Variants in CD4 observed in about 807,000 individuals in gnomAD.
CD4 encodes T-cell surface glycoprotein CD4.
In CD4, 25 loss-of-function variants were observed where a neutral mutation model predicts 50.5. The observed-to-expected ratio is 0.49, with a 90% CI of 0.36 to 0.69. CD4 has a LOEUF of 0.69. Ranked by LOEUF, CD4 falls within the 30% of genes least tolerant of loss-of-function variation. The pLI, the probability that CD4 is intolerant of heterozygous loss-of-function variation, is 0.00. For synonymous variants in CD4, 207 were observed against 221.9 expected, an observed-to-expected ratio of 0.93 and a Z score of 0.60; for missense variants, 456 against 548.5, an observed-to-expected ratio of 0.83 and a Z score of 1.68.
In CD4 at chr12:6,814,745, C is replaced by T. The variant is rs199912144; in HGVS notation, c.374-14C>T. On this transcript the variant is annotated splice_polypyrimidine_tract_variant and intron_variant, in intron 4 of 9. Transcript: ENST00000011653. ...ATGGTATGTGTGTGACACAGCTGGC[C>T]TTTCCCTCCACAGTGACTGCCAACT... 3.9e-5 allele frequency: 62 copies of T among 1,602,620 alleles called. No individual in the cohort carries two copies. The highest frequency in any genetic ancestry group is 5.0e-5 in the Non-Finnish European group (59 of 1,169,914).
intron 5 of CD4, 75 bp from the exon 6 acceptor site, chr12:6,815,981 T>C: frequency 6.3e-7 from 1 of 1,593,278 alleles, no homozygotes; most frequent in Non-Finnish European, 8.5e-7. Flanking sequence ...CCCTGCTGCC[T>C]CCACATGCCA....
At position 6,792,479 on chromosome 12, in the gene CD4, A is replaced by T. The variant is rs1942190000; in HGVS notation, c.-68+2817A>T. Among the ~76,000 whole-genome samples, 1 of 151,348 alleles carries T rather than the reference A, an allele frequency of 6.6e-6. No individual in the cohort carries two copies. The highest frequency in any genetic ancestry group is 2.4e-5 in the African/African-American group (1 of 41,060). ...CCCTGCGCTTTGTGTGTGATTGTGG[A>T]TTGTGTGTGCATAGCTGTTGCTTTA... On this transcript the variant is annotated intron_variant, in intron 1 of 9. Transcript: ENST00000011653. The surrounding 1 kb of genome is among the most constrained non-coding windows in gnomAD (Gnocchi z 4.1).
chr12:6,799,913 T>C (rs939142332), intron 1 of CD4, among the ~76,000 whole-genome samples, 159 bp from the exon 2 acceptor site: 3 of 152,190 alleles, frequency 2.0e-5, no homozygotes, highest in African/African-American at 7.2e-5. Flanking sequence ...CTGCTCCTAC[T>C]CATTCCTTCC....
At chr12:6,798,022 A>G (rs1299881176) in intron 1 of CD4, among the ~76,000 whole-genome samples, 1 of 151,906 alleles carries the variant, frequency 6.6e-6, no homozygotes, top group Non-Finnish European at 1.5e-5. Flanking sequence ...GCCATATCTC[A>G]GGCTGTCTCA....
intron 3 of CD4, among the ~76,000 whole-genome samples, chr12:6,811,161 G>A (rs908299081): frequency 1.3e-5 from 2 of 152,134 alleles, no homozygotes; most frequent in African/African-American, 2.4e-5. Flanking sequence ...TACCAAGCAG[G>A]GTGAGAGGCT....
chr12:6,817,108 T>C (rs201648951), intron 6 of CD4, 22 bp from the exon 7 acceptor site: 151 of 1,606,702 alleles, frequency 9.4e-5, no homozygotes, highest in Non-Finnish European at 7.5e-5. Flanking sequence ...GCCTTTGATC[T>C]CAGCCTCTCG....
intron 4 of CD4, chr12:6,814,542 G>T: frequency 1.5e-6 from 1 of 657,422 alleles, no homozygotes; most frequent in South Asian, 1.8e-5. Context: ...GGGAAGGAGG[G>T]AGAGAGACTG....
At position 6,818,859 on chromosome 12, in the gene CD4, C is replaced by T. The variant is rs781912242; in HGVS notation, c.1291C>T (p.Arg431Trp). Residue 431 changes from arginine to tryptophan, a missense_variant, in exon 9 of 10, where the codon CGG becomes TGG. Arg to Trp is a moderately radical substitution (Grantham distance 101, BLOSUM62 -3). Transcript: ENST00000011653. The surrounding 1 kb of genome is among the most constrained non-coding windows in gnomAD (Gnocchi z 5.0). ...RCRHRRRQAERMSQIKRLLSE... is the reference protein window; with the variant it reads ...RCRHRRRQAEWMSQIKRLLSE... ...TGTCCCTGGACAGCGCCAAGCAGAG[C>T]GGATGTCTCAGATCAAGAGACTCCT... 1.9e-6 allele frequency: 3 copies of T among 1,612,348 alleles called. No homozygotes were observed. Among genetic ancestry groups the T allele is most frequent in the Non-Finnish European group, 2.5e-6 (3 of 1,179,096 alleles).
chr12:6,819,067 G>A (rs1373908979), intron 9 of CD4, among the ~76,000 whole-genome samples, 153 bp downstream of exon 9: 1 of 151,556 alleles, frequency 6.6e-6, no homozygotes, highest in Non-Finnish European at 1.5e-5. Context: ...GTGGAGGTGA[G>A]GAGATGGGGG....
At chr12:6,804,646 G>A (rs973438474) in intron 3 of CD4, among the ~76,000 whole-genome samples, 39 of 152,284 alleles carry the variant, frequency 2.6e-4, no homozygotes, top group African/African-American at 8.9e-4. Context: ...GCCAAGGTGG[G>A]AAGATTGCTT....
chr12:6,800,914 AT>A (rs58978787), intron 3 of CD4, among the ~76,000 whole-genome samples: 4,971 of 147,130 alleles, frequency 0.034, 305 homozygotes, highest in African/African-American at 0.12. Flanking sequence ...ATATATATAT[AT>A]TTTTTTTGGA....
intron 3 of CD4, among the ~76,000 whole-genome samples, chr12:6,807,028 G>A (rs1352668770): frequency 2.0e-5 from 3 of 152,074 alleles, no homozygotes; most frequent in Admixed American, 1.3e-4. Context: ...TTAGCCGGGC[G>A]TGGTGGCGGG....
At position 6,818,035 on chromosome 12, in the gene CD4, G is replaced by GGC. The variant is rs1390249389; in HGVS notation, c.1157-385_1157-384dup. On this transcript the variant is annotated intron_variant, in intron 7 of 9. Coordinates refer to ENST00000011653, the MANE Select transcript of CD4 (RefSeq NM_000616.5). This position sits in a 1 kb window ranked among gnomAD's most constrained non-coding sequence, Gnocchi z 5.0. ...GCACACACATTCATACACGCACACA[G>GGC]GCACACATTCACACACATGCACACA... Among the ~76,000 whole-genome samples the GGC allele has an allele frequency of 6.2e-5, 9 of 144,238 alleles. 1 individual carries two copies. The East Asian group carries it at 1.5e-3, about 24-fold the overall frequency. The allele number at this position is 144,238 out of a possible 152,430, so 94.6% of individuals were successfully genotyped here. A position where few individuals can be genotyped will look rare whatever the true frequency, so the allele number is the denominator to read the frequency against.
At position 6,818,104 on chromosome 12, in the gene CD4, A is replaced by G. The variant is rs782565361; in HGVS notation, c.1157-317A>G. 1.1e-3 allele frequency among the ~76,000 whole-genome samples: 168 copies of G among 146,190 alleles called. 2 individuals carry two copies. Among genetic ancestry groups the G allele is most frequent in the African/African-American group, 1.7e-3 (65 of 38,152 alleles). On this transcript the variant is annotated intron_variant, in intron 7 of 9. Coordinates refer to ENST00000011653, the MANE Select transcript of CD4 (RefSeq NM_000616.5). This position sits in a 1 kb window ranked among gnomAD's most constrained non-coding sequence, Gnocchi z 5.0. The stretch of plus-strand genomic sequence containing the variant: ...TGGACTCACACGCGCACACGCGCGC[A>G]CACACACACATTCACACCATTCACA...
intron 3 of CD4, 121 bp from the exon 4 acceptor site, chr12:6,814,021 C>T (rs1213366501): frequency 2.9e-5 from 24 of 836,516 alleles, no homozygotes; most frequent in East Asian, 2.4e-4. Context: ...CTGATTAGAA[C>T]GAGGAGCAGA....
chr12:6,811,024 TG>T (rs1257609764), intron 3 of CD4, among the ~76,000 whole-genome samples: 1 of 151,612 alleles, frequency 6.6e-6, no homozygotes, highest in Non-Finnish European at 1.5e-5. Flanking sequence ...AGCTGAGCAG[TG>T]GGGAAGAGGA....
At chr12:6,803,161 G>GTT (rs113237953) in intron 3 of CD4, among the ~76,000 whole-genome samples, 2 of 151,086 alleles carry the variant, frequency 1.3e-5, no homozygotes, top group African/African-American at 4.9e-5. Flanking sequence ...CTTTTTTGTT[G>GTT]TTTTTTTGAG....
In CD4 at chr12:6,800,379, G is replaced by A; in HGVS notation, c.122G>A (p.Cys41Tyr). 1 of 1,614,030 alleles carries A rather than the reference G, an allele frequency of 6.2e-7. No homozygotes were observed. Among genetic ancestry groups the A allele is most frequent in the Admixed American group, 1.7e-5 (1 of 60,016 alleles). ...AAAGGGGATACAGTGGAACTGACCTGTACAGCTTCCCAGAAGAAGAGCATA... is the reference window on the plus strand; with the variant it reads ...AAAGGGGATACAGTGGAACTGACCTATACAGCTTCCCAGAAGAAGAGCATA... Reference protein sequence around the residue: ...GKKGDTVELTCTASQKKSIQF... With the variant: ...GKKGDTVELTYTASQKKSIQF... The change falls in exon 3 of 10, where the codon TGT becomes TAT. Residue 41 changes from cysteine (C) to tyrosine (Y), a missense_variant. Cys to Tyr is a radical substitution (Grantham distance 194, BLOSUM62 -2). Coordinates refer to ENST00000011653, the MANE Select transcript of CD4 (RefSeq NM_000616.5).
At chr12:6,805,015 C>CAAAAA (rs34087134) in intron 3 of CD4, among the ~76,000 whole-genome samples, 1 of 96,936 alleles carries the variant, frequency 1.0e-5, no homozygotes, top group East Asian at 3.1e-4. Flanking sequence ...GACTACGTCT[C>CAAAAA]AAAAAAAAAA....
Sources: gnomAD v4.1 joint callset for allele counts (sites outside exome capture counted in the v4.1 genomes callset) on GRCh38, gnomAD v4.1.1 for gene constraint, Gnocchi (gnomAD v3.1) non-coding constraint, MANE v1.5 for transcripts, NCBI Gene and HGNC (gene_info 2026-07-23, HGNC 2026-07-21) for gene names.